The following PSMA1 variants were observed in gnomAD, a reference collection of about 807,000 sequenced individuals.
PSMA1 encodes the protein proteasome subunit alpha type-1.
A neutral mutation model predicts 38.4 loss-of-function variants in PSMA1; 3 were observed. The ratio of observed to expected loss-of-function variants is 0.08; its 90% CI spans 0.04 to 0.20. The LOEUF (loss-of-function observed/expected upper bound fraction) is 0.20, where lower values mean the gene tolerates loss of function less well. Among genes scored for constraint, PSMA1 ranks in the 10% least tolerant of loss-of-function variants. The pLI is 1.00. For missense variants in PSMA1, 227 were observed against 325.3 expected (o/e 0.70, Z 2.32); for synonymous variants, 101 against 107.1 (o/e 0.94, Z 0.35).
chr11:14,544,322 C>G (rs1407476709), intron 2 of PSMA1, among the ~76,000 whole-genome samples: 3 of 152,134 alleles, frequency 2.0e-5, no homozygotes, highest in Non-Finnish European at 2.9e-5. Flanking sequence ...GCGTGAGCTA[C>G]CGTGCCCGGC....
chr11:14,612,311 AAC>A (rs1457086028), intron 1 of PSMA1, among the ~76,000 whole-genome samples: 3 of 152,228 alleles, frequency 2.0e-5, no homozygotes, highest in Non-Finnish European at 4.4e-5. Context: ...TATGTAGTGT[AAC>A]ACACAATTCT....
At chr11:14,576,789 T>G (rs1487002273) in intron 2 of PSMA1, among the ~76,000 whole-genome samples, 2 of 152,212 alleles carry the variant, frequency 1.3e-5, no homozygotes, top group Non-Finnish European at 2.9e-5. Context: ...ACGTGAACTT[T>G]AAAGTAGTTT....
intron 7 of PSMA1, among the ~76,000 whole-genome samples, chr11:14,512,150 G>A (rs543382616): frequency 5.9e-5 from 9 of 152,310 alleles, no homozygotes; most frequent in Admixed American, 3.3e-4. Flanking sequence ...CCAGTTGGGC[G>A]GATCGCCTGA....
chr11:14,618,122 T>C (rs1442996584), intron 1 of PSMA1, among the ~76,000 whole-genome samples: 2 of 152,216 alleles, frequency 1.3e-5, no homozygotes, highest in Non-Finnish European at 2.9e-5. Context: ...TTTTGAAATA[T>C]GCCTGCTTTA....
At chr11:14,555,406 T>C (rs139706392) in intron 2 of PSMA1, among the ~76,000 whole-genome samples, 3 of 152,330 alleles carry the variant, frequency 2.0e-5, no homozygotes, top group African/African-American at 7.2e-5. Flanking sequence ...TTTTTTGCTT[T>C]AGTCTTTTAA....
At chr11:14,546,487 G>T (rs1157129389) in intron 2 of PSMA1, among the ~76,000 whole-genome samples, 1 of 152,040 alleles carries the variant, frequency 6.6e-6, no homozygotes, top group Non-Finnish European at 1.5e-5. Context: ...GCCCAGGCTG[G>T]AGTACAATGG....
intron 1 of PSMA1, among the ~76,000 whole-genome samples, chr11:14,627,598 G>T (rs1852929848): frequency 6.6e-6 from 1 of 152,044 alleles, no homozygotes. Context: ...TAATCTTTCT[G>T]CCCTACAAAT....
intron 2 of PSMA1, among the ~76,000 whole-genome samples, chr11:14,567,198 G>A (rs183787417): frequency 1.4e-3 from 206 of 152,286 alleles, no homozygotes; most frequent in South Asian, 6.2e-3. Context: ...CAGTCCCAAC[G>A]CAGGGTGGCC....
At chr11:14,623,512 G>A (rs1437457765) in intron 1 of PSMA1, among the ~76,000 whole-genome samples, 2 of 152,166 alleles carry the variant, frequency 1.3e-5, no homozygotes, top group Admixed American at 6.5e-5. Flanking sequence ...GTCGGGGCCT[G>A]GAAAGAAAAT....
At chr11:14,641,153 T>G (rs578022010) in intron 1 of PSMA1, among the ~76,000 whole-genome samples, 5 of 151,030 alleles carry the variant, frequency 3.3e-5, no homozygotes, top group Non-Finnish European at 7.4e-5. Flanking sequence ...GTTCTGCACA[T>G]GTATCCCAGA....
intron 1 of PSMA1, among the ~76,000 whole-genome samples, chr11:14,629,063 A>T (rs1852961456): frequency 6.6e-6 from 1 of 151,616 alleles, no homozygotes; most frequent in African/African-American, 2.4e-5. Flanking sequence ...GATTCTGGAT[A>T]TTAGCCCTTT....
intron 1 of PSMA1, among the ~76,000 whole-genome samples, chr11:14,611,494 G>C (rs775611459): frequency 2.0e-5 from 3 of 152,180 alleles, no homozygotes; most frequent in Non-Finnish European, 4.4e-5. Context: ...ATAAATAGTA[G>C]AGCTAGGGCA....
At chr11:14,639,824 A>C (rs1853174910) in intron 1 of PSMA1, among the ~76,000 whole-genome samples, 1 of 152,140 alleles carries the variant, frequency 6.6e-6, no homozygotes, top group African/African-American at 2.4e-5. Context: ...TTTTAATATC[A>C]AGCCTAGAAA....
At chr11:14,547,483 A>AT (rs1391565761) in intron 2 of PSMA1, among the ~76,000 whole-genome samples, 1 of 152,232 alleles carries the variant, frequency 6.6e-6, no homozygotes, top group Non-Finnish European at 1.5e-5. Context: ...TTAAATGGTC[A>AT]TTATAGTTAT....
intron 1 of PSMA1, chr11:14,520,004 T>C: frequency 1.8e-6 from 1 of 548,622 alleles, no homozygotes; most frequent in African/African-American, 1.9e-5. Flanking sequence ...TCTGGACCGC[T>C]CAGAATCTAC....
At chr11:14,603,492 T>C (rs1237863811) in intron 2 of PSMA1, among the ~76,000 whole-genome samples, 1 of 152,170 alleles carries the variant, frequency 6.6e-6, no homozygotes, top group Non-Finnish European at 1.5e-5. Flanking sequence ...GGAAAAGTTG[T>C]TTTTTATTGC....
chr11:14,541,093 A>T (rs7112933), intron 2 of PSMA1, among the ~76,000 whole-genome samples: 3,340 of 152,242 alleles, frequency 0.022, 104 homozygotes, highest in African/African-American at 0.074. Context: ...CATAATTTTT[A>T]AAAAAAGAAA....
intron 2 of PSMA1, among the ~76,000 whole-genome samples, chr11:14,550,715 C>G (rs552518708): frequency 6.6e-6 from 1 of 151,714 alleles, no homozygotes; most frequent in Non-Finnish European, 1.5e-5. Flanking sequence ...TTTTTGCTGA[C>G]GTGAGTGATG....
At chr11:14,618,108 C>T (rs1300647889) in intron 1 of PSMA1, among the ~76,000 whole-genome samples, 2 of 152,166 alleles carry the variant, frequency 1.3e-5, no homozygotes, top group Non-Finnish European at 2.9e-5. Context: ...GCCTCCTTTT[C>T]CATTTTTGAA....
Sources: allele counts gnomAD v4.1 joint callset (sites outside exome capture counted in the v4.1 genomes callset), GRCh38; gene constraint gnomAD v4.1.1; transcripts MANE v1.5; gene names NCBI Gene and HGNC (gene_info 2026-07-23, HGNC 2026-07-21).